The following PIK3C2B variants were observed in gnomAD, a reference collection of about 807,000 sequenced individuals.
PIK3C2B encodes phosphatidylinositol-4-phosphate 3-kinase catalytic subunit type 2 beta, also known as phosphatidylinositol 4-phosphate 3-kinase C2 domain-containing subunit beta.
A neutral mutation model predicts 184.3 loss-of-function variants in PIK3C2B; 83 were observed. The ratio of observed to expected loss-of-function variants is 0.45; its 90% CI spans 0.38 to 0.54. The LOEUF (loss-of-function observed/expected upper bound fraction) is 0.54. PIK3C2B is among the 20% of genes least tolerant of loss of function. PIK3C2B has a pLI of 0.00. For missense variants in PIK3C2B, 1,736 were observed against 2,113.5 expected (o/e 0.82, Z 3.50); for synonymous variants, 779 against 837.6 (o/e 0.93, Z 1.21).
At position 204,449,914 on chromosome 1, in the gene PIK3C2B, T is replaced by G. The variant is rs757744720; in HGVS notation, c.2170A>C (p.Asn724His). ...IPPPGSSSEA[N>H]KQRRVPEALG... ...GCTTCAGGCACCCGCCGCTGCTTAT[T>G]GGCCTCTGAGGAGCTCCCCGGTGGG... The change falls in exon 13 of 33, where the codon AAT becomes CAT. Residue 724 changes from asparagine to histidine, a missense_variant. By Grantham distance (68) the Asn-to-His change is moderately conservative. Coordinates refer to ENST00000684373, the MANE Select transcript of PIK3C2B (RefSeq NM_001377334.1). 6.8e-6 allele frequency: 11 copies of G among 1,613,990 alleles called. No individual in the cohort carries two copies. Among genetic ancestry groups the G allele is most frequent in the Non-Finnish European group, 9.3e-6 (11 of 1,179,970 alleles).
At position 204,433,755 on chromosome 1, in the gene PIK3C2B, T is replaced by A; in HGVS notation, c.3843+38A>T. 1.3e-6 allele frequency: 2 copies of A among 1,586,904 alleles called. No individual in the cohort carries two copies. Among genetic ancestry groups the A allele is most frequent in the Non-Finnish European group, 1.7e-6 (2 of 1,156,334 alleles). On this transcript the variant is annotated intron_variant, in intron 25 of 32. Transcript: ENST00000684373. This position sits in a 1 kb window ranked among gnomAD's most constrained non-coding sequence, Gnocchi z 5.0. Reference sequence around the variant, plus strand: ...AAGTCTTAAAGATGATGCCAGATAATAAGAAGAAGGTATTCGGAAAGGGAT... The same window carrying A: ...AAGTCTTAAAGATGATGCCAGATAAAAAGAAGAAGGTATTCGGAAAGGGAT...
chr1:204,456,009 A>G lies in PIK3C2B; in HGVS notation c.1790T>C (p.Val597Ala). ...EALTAAILDL[V>A]ELYCNTFNAD... ...GTTGAATGTGTTGCAGTACAGCTCC[A>G]CCAGGTCCAAGATGGCAGCGGTCAG... Residue 597 changes from valine (V) to alanine (A), a missense_variant, in exon 11 of 33, where the codon GTG (valine) becomes GCG (alanine). Physicochemically the swap from Val to Ala is moderately conservative, Grantham distance 64 (BLOSUM62 0). Coordinates refer to ENST00000684373, the MANE Select transcript of PIK3C2B (RefSeq NM_001377334.1). The G allele has an allele frequency of 1.2e-6, 2 of 1,614,024 alleles. No individual in the cohort carries two copies. The highest frequency in any genetic ancestry group is 1.7e-6 in the Non-Finnish European group (2 of 1,179,934).
intron 8 of PIK3C2B, 145 bp downstream of exon 8, chr1:204,459,733 G>C: frequency 1.5e-6 from 1 of 687,698 alleles, no homozygotes; most frequent in Non-Finnish European, 2.6e-6. Flanking sequence ...TTGCCCATGA[G>C]CGAGGGGTTA....
chr1:204,431,154 C>T (rs1291461783), intron 28 of PIK3C2B, among the ~76,000 whole-genome samples: 1 of 152,206 alleles, frequency 6.6e-6, no homozygotes, highest in African/African-American at 2.4e-5. Flanking sequence ...CCTACCTCCC[C>T]TCAGACCTGG....
intron 3 of PIK3C2B, 73 bp from the exon 4 acceptor site, chr1:204,464,677 T>C: frequency 3.5e-6 from 5 of 1,442,476 alleles, no homozygotes; most frequent in Non-Finnish European, 2.8e-6. Context: ...GTTGGGAACC[T>C]CATGCTCTGA....
At chr1:204,463,916 C>T (rs970464781) in intron 5 of PIK3C2B, 96 bp downstream of exon 5, 11 of 1,286,200 alleles carry the variant, frequency 8.6e-6, no homozygotes, top group African/African-American at 7.2e-5. Context: ...GGGATTGGGG[C>T]GGAGCTGCCA....
In PIK3C2B at chr1:204,433,728, G is replaced by C; in HGVS notation, c.3843+65C>G. 15 of 1,435,014 alleles carry C rather than the reference G, an allele frequency of 1.0e-5. No homozygotes were observed. The highest frequency in any genetic ancestry group is 1.4e-5 in the Non-Finnish European group (14 of 1,021,782). 88.9% of individuals were successfully genotyped at this position (1,435,014 alleles called of 1,614,324 possible). On this transcript the variant is annotated intron_variant, in intron 25 of 32. Coordinates refer to ENST00000684373, the MANE Select transcript of PIK3C2B (RefSeq NM_001377334.1). The surrounding 1 kb of genome is among the most constrained non-coding windows in gnomAD (Gnocchi z 5.0). The stretch of plus-strand genomic sequence containing the variant: ...CTAGAAATCCTCTGCGGCAAGACAG[G>C]GAAGTCTTAAAGATGATGCCAGATA...
At chr1:204,482,653 G>A (rs1657261013) in intron 1 of PIK3C2B, among the ~76,000 whole-genome samples, 1 of 152,024 alleles carries the variant, frequency 6.6e-6, no homozygotes, top group African/African-American at 2.4e-5. Flanking sequence ...GTGTGGTGGT[G>A]GGTGCCTGTA....
At chr1:204,469,952 C>G in intron 1 of PIK3C2B, 66 bp from the exon 2 acceptor site, 1 of 608,522 alleles carries the variant, frequency 1.6e-6, no homozygotes, top group Admixed American at 3.0e-5. Flanking sequence ...CCATAATAAT[C>G]CAATTTAGGT....
chr1:204,482,430 G>A (rs1319282384), intron 1 of PIK3C2B, among the ~76,000 whole-genome samples: 1 of 152,182 alleles, frequency 6.6e-6, no homozygotes, highest in Non-Finnish European at 1.5e-5. Flanking sequence ...AACCCAGCCG[G>A]AAGACCAAGG....
intron 5 of PIK3C2B, 53 bp from the exon 6 acceptor site, chr1:204,460,714 G>C: frequency 1.9e-6 from 2 of 1,064,584 alleles, no homozygotes; most frequent in Non-Finnish European, 2.9e-6. Context: ...CAGTGGCAAG[G>C]GAGATACATA....
intron 21 of PIK3C2B, among the ~76,000 whole-genome samples, 188 bp from the exon 22 acceptor site, chr1:204,440,509 G>A (rs918620515): frequency 1.3e-5 from 2 of 151,226 alleles, no homozygotes; most frequent in Non-Finnish European, 2.9e-5. Context: ...TTGCCCATGT[G>A]TTGTTCCAGC....
chr1:204,472,410 A>G (rs1485428004), intron 1 of PIK3C2B, among the ~76,000 whole-genome samples: 3 of 151,772 alleles, frequency 2.0e-5, no homozygotes, highest in African/African-American at 4.8e-5. Context: ...TGATCCACCC[A>G]GCTCGGCCTC....
At chr1:204,441,433 C>T (rs763277426) in intron 21 of PIK3C2B, 38 bp downstream of exon 21, 1 of 1,419,252 alleles carries the variant, frequency 7.0e-7, no homozygotes, top group Non-Finnish European at 9.9e-7. Flanking sequence ...CTTCTCTCTC[C>T]CACCCTGGTC....
At chr1:204,448,467 C>T (rs1483962835) in intron 14 of PIK3C2B, among the ~76,000 whole-genome samples, 5 of 152,038 alleles carry the variant, frequency 3.3e-5, no homozygotes, top group African/African-American at 1.2e-4. Context: ...GGGCATAAAG[C>T]AGCAAATAAG....
chr1:204,482,953 C>T (rs538066624), intron 1 of PIK3C2B, among the ~76,000 whole-genome samples: 64 of 152,232 alleles, frequency 4.2e-4, no homozygotes, highest in African/African-American at 1.5e-3. Flanking sequence ...CATGTTGCAG[C>T]CGTAGGTTTC....
At position 204,438,948 on chromosome 1, in the gene PIK3C2B, T is replaced by C; in HGVS notation, c.3503A>G (p.Asp1168Gly). The change falls in exon 23 of 33, where the codon GAC (aspartate) becomes GGC (glycine). Residue 1168 changes from aspartate to glycine, a missense_variant. Physicochemically the swap from Asp to Gly is moderately conservative, Grantham distance 94 (BLOSUM62 -1). Around this residue, in one of 8 missense-constraint regions of PIK3C2B, gnomAD observed 289 missense variants for 380.4 expected, o/e 0.76. Coordinates refer to ENST00000684373, the MANE Select transcript of PIK3C2B (RefSeq NM_001377334.1). ...CCACAACCCTACCTTCTCATACTCG[T>C]CCTCCCCAGGGTTGTGTTTCTGCAG... ...DWLQKHNPGE[D>G]EYEKAVENFI... 1 of 1,613,692 alleles carries C rather than the reference T, an allele frequency of 6.2e-7. No individual in the cohort carries two copies. The highest frequency in any genetic ancestry group is 8.5e-7 in the Non-Finnish European group (1 of 1,180,012).
At chr1:204,438,334 C>T (rs1395570351) in intron 23 of PIK3C2B, among the ~76,000 whole-genome samples, 8 of 152,170 alleles carry the variant, frequency 5.3e-5, no homozygotes, top group African/African-American at 1.9e-4. Context: ...TAGCAGGCTA[C>T]CAGGGCCCTA....
At chr1:204,455,722 C>A (rs559213830) in intron 11 of PIK3C2B, 134 bp downstream of exon 11, 74 of 723,348 alleles carry the variant, frequency 1.0e-4, no homozygotes, top group Non-Finnish European at 1.6e-4. Context: ...CCCCGCAGCC[C>A]CATTGCACCA....
Sources: allele counts gnomAD v4.1 joint callset (sites outside exome capture counted in the v4.1 genomes callset), GRCh38; gene constraint gnomAD v4.1.1; regional missense constraint gnomAD v4.1.1; non-coding constraint Gnocchi (gnomAD v3.1); transcripts MANE v1.5; gene names NCBI Gene and HGNC (gene_info 2026-07-23, HGNC 2026-07-21).